LILRB2: variants seen among roughly 807,000 people sequenced by gnomAD.
LILRB2 encodes leukocyte immunoglobulin-like receptor subfamily B member 2.
LILRB2 carries 47 observed loss-of-function variants against 72.7 expected under a neutral mutation model. That is an observed-to-expected ratio of 0.65 (90% CI 0.51 to 0.82). The LOEUF (loss-of-function observed/expected upper bound fraction) is 0.82. LILRB2 is among the 40% of genes least tolerant of loss of function. The pLI is 0.00. For synonymous variants in LILRB2, 279 were observed against 313.7 expected (o/e 0.89, Z 1.17); for missense variants, 767 against 764.8 (o/e 1.00, Z -0.03).
intron 9 of LILRB2, chr19:54,277,295 A>G: frequency 2.1e-6 from 3 of 1,405,258 alleles, no homozygotes; most frequent in Non-Finnish European, 2.9e-6. Context: ...GTGGGACGGG[A>G]CAGGCCCCCG....
At chr19:54,275,797 A>T in intron 13 of LILRB2, 154 bp downstream of exon 13, 1 of 1,010,604 alleles carries the variant, frequency 9.9e-7, no homozygotes, top group Non-Finnish European at 1.6e-6. Context: ...AGCAGGAGAG[A>T]GTGAGGTCAC....
Position 54,274,664 on chromosome 19 carries a change from A to G in LILRB2, c.*19T>C, listed in dbSNP as rs368123805. 143 of 1,613,854 alleles carry G rather than the reference A, an allele frequency of 8.9e-5. No homozygotes were observed. The highest frequency in any genetic ancestry group is 4.9e-4 in the Middle Eastern group (3 of 6,062). On this transcript the variant is annotated 3_prime_UTR_variant, in exon 14 of 14. Transcript: ENST00000314446. ...CTGAGTCTCCTTCTACTGAGTGTGG[A>G]GTCTGCGTACCCTCCGGGCTAGTGG...
intron 13 of LILRB2, 194 bp downstream of exon 13, chr19:54,275,757 C>G: frequency 1.3e-6 from 1 of 775,462 alleles, no homozygotes; most frequent in Admixed American, 1.9e-5. Flanking sequence ...AGGAAGGGGA[C>G]CCGGGAGGAG....
In LILRB2 at chr19:54,275,040, C is replaced by G. The variant is rs567480155; in HGVS notation, c.1648-211G>C. On this transcript the variant is annotated intron_variant, in intron 13 of 13. Transcript: ENST00000314446. Reference sequence around the variant, plus strand: ...GTTTCACCGGGGCATATGTCACTGCCTGGGGGTCTTCATCATGTGGGCTCT... The same window carrying G: ...GTTTCACCGGGGCATATGTCACTGCGTGGGGGTCTTCATCATGTGGGCTCT... 2.2e-4 allele frequency: 350 copies of G among 1,608,120 alleles called. 6 individuals are homozygous for G. In the South Asian group the frequency reaches 3.0e-3, roughly 14 times the overall value.
rs765905961 is a variant in LILRB2 at position 54,280,491 on chromosome 19, G to A, written c.6C>T (p.Thr2=). The A allele has an allele frequency of 2.5e-6, 4 of 1,613,738 alleles. No individual in the cohort carries two copies. The Admixed American group carries it at 5.0e-5, about 20-fold the overall frequency. Reference sequence around the variant, plus strand: ...GACAGATCAGGACTGTGACGATGGGGGTCATGGCGTCTCCTCCCACTGCCC... The same window carrying A: ...GACAGATCAGGACTGTGACGATGGGAGTCATGGCGTCTCCTCCCACTGCCC... M[T]PIVTVLICLG... Residue 2 remains threonine (T), a synonymous_variant, in exon 2 of 14, where the codon ACC becomes ACT. Transcript: ENST00000314446.
In LILRB2 at chr19:54,279,074, C is replaced by T. The variant is rs141840014; in HGVS notation, c.693G>A (p.Pro231=). 5.8e-4 allele frequency: 940 copies of T among 1,613,882 alleles called. No individual in the cohort carries two copies. The highest frequency in any genetic ancestry group is 7.3e-4 in the Non-Finnish European group (861 of 1,179,884). ...VSKKPSLSVQ[P]GPVMAPGESL... ...TTTCCCCAGGGGCCATGACAGGACCCGGCTGCACTGAGAGTGATGGCTTCT... is the reference window on the plus strand; with the variant it reads ...TTTCCCCAGGGGCCATGACAGGACCTGGCTGCACTGAGAGTGATGGCTTCT... The change falls in exon 6 of 14, where the codon CCG becomes CCA. Residue 231 remains proline, a synonymous_variant. Transcript: ENST00000314446.
intron 7 of LILRB2, 152 bp from the exon 8 acceptor site, chr19:54,278,091 T>C: frequency 8.8e-7 from 1 of 1,132,604 alleles, no homozygotes; most frequent in Non-Finnish European, 1.2e-6. Context: ...CCGCTGAGTG[T>C]GCGCAGGCCT....
intron 7 of LILRB2, 106 bp from the exon 8 acceptor site, chr19:54,278,045 CT>C: frequency 9.0e-7 from 1 of 1,105,838 alleles, no homozygotes; most frequent in Non-Finnish European, 1.3e-6. Context: ...AGGCCCCTCC[CT>C]CCACCCGCCT....
At position 54,278,875 on chromosome 19, in the gene LILRB2, C is replaced by T. The variant is rs142624499; in HGVS notation, c.892G>A (p.Gly298Ser). The T allele has an allele frequency of 2.6e-4, 421 of 1,613,800 alleles. 4 individuals carry two copies. The highest frequency in any genetic ancestry group is 6.5e-4 in the Admixed American group (39 of 60,010). ...RSYGGQYRCY[G>S]AHNLSSECSA... ...CACTCAGAGGAGAGGTTGTGTGCAC[C>T]GTAGCATCTGTACTGGCCCCCGTAG... Residue 298 changes from glycine (G) to serine (S), a missense_variant, in exon 6 of 14, where the codon GGT (glycine) becomes AGT (serine). Gly to Ser is a moderately conservative substitution (Grantham distance 56). Around this residue, in one of 3 missense-constraint regions of LILRB2, gnomAD observed 599 missense variants for 568.2 expected, o/e 1.05. Transcript: ENST00000314446.
At position 54,275,825 on chromosome 19, in the gene LILRB2, G is replaced by A. The variant is rs542571897; in HGVS notation, c.1647+126C>T. On this transcript the variant is annotated intron_variant, in intron 13 of 13. Coordinates refer to ENST00000314446, the MANE Select transcript of LILRB2 (RefSeq NM_001080978.4). ...GAGGTCACAGCAGGCGGGAGGCAGC[G>A]TGCTGGACAAGGAGGGGTCCACCGT... 4,886 of 1,266,504 alleles carry A rather than the reference G, an allele frequency of 3.9e-3. 15 individuals are homozygous for A. Among genetic ancestry groups the A allele is most frequent in the African/African-American group, 5.2e-3 (350 of 67,502 alleles). 78.5% of individuals were successfully genotyped at this position (1,266,504 alleles called of 1,614,324 possible).
Position 54,279,805 on chromosome 19 carries a change from A to C in LILRB2, c.341T>G (p.Val114Gly), listed in dbSNP as rs758695722. 1.5e-5 allele frequency: 25 copies of C among 1,613,858 alleles called. No homozygotes were observed. The highest frequency in any genetic ancestry group is 2.0e-5 in the Non-Finnish European group (24 of 1,179,942). ...TGTCCTCTCACCTGTCATCACCAGC[A>C]CCAGGGGGTCACTGAGCTCAGACCA... is the stretch of plus-strand genomic sequence containing the variant. ...ARWSELSDPLVLVMTGAYPKP... is the reference protein window; with the variant it reads ...ARWSELSDPLGLVMTGAYPKP... The change falls in exon 4 of 14, where the codon GTG (valine) becomes GGG (glycine). Residue 114 changes from valine to glycine, a missense_variant. Physicochemically the swap from Val to Gly is moderately radical, Grantham distance 109. This residue lies in a region of LILRB2 where 599 missense variants were observed against 568.2 expected (regional missense o/e 1.05). Coordinates refer to ENST00000314446, the MANE Select transcript of LILRB2 (RefSeq NM_001080978.4).
At position 54,280,564 on chromosome 19, in the gene LILRB2, CAG is replaced by C. The variant is rs1466225255; in HGVS notation, c.-48-22_-48-21del. On this transcript the variant is annotated intron_variant, in intron 1 of 13. Transcript: ENST00000314446. The stretch of plus-strand genomic sequence containing the variant: ...TCGGTGCTGGCGGGACAGAGACACA[CAG>C]AGAGAAATAGCCTCCCCTCCTTCCC... The C allele has an allele frequency of 5.6e-6, 9 of 1,613,138 alleles. No homozygotes were observed. The highest frequency in any genetic ancestry group is 1.1e-5 in the South Asian group (1 of 91,046).
intron 12 of LILRB2, 57 bp downstream of exon 12, chr19:54,276,207 C>T (rs147028826): frequency 1.8e-4 from 284 of 1,610,732 alleles, no homozygotes; most frequent in Non-Finnish European, 2.2e-4. Context: ...CCCATTGCTA[C>T]GGAAACTTCG....
At chr19:54,276,078 T>A (rs1239713408) in intron 12 of LILRB2, 75 bp from the exon 13 acceptor site, 8 of 1,584,816 alleles carry the variant, frequency 5.0e-6, no homozygotes, top group African/African-American at 2.7e-5. Context: ...GCCCCTGCCC[T>A]GCTCCCAGAT....
Position 54,280,535 on chromosome 19 carries a change from G to A in LILRB2, c.-39C>T. ...ACTGCCCTGCTCTGCGGATGGATGA[G>A]CCCTCGGTGCTGGCGGGACAGAGAC... On this transcript the variant is annotated 5_prime_UTR_variant, in exon 2 of 14. Transcript: ENST00000314446. 1 of 1,613,964 alleles carries A rather than the reference G, an allele frequency of 6.2e-7. No homozygotes were observed. The highest frequency in any genetic ancestry group is 8.5e-7 in the Non-Finnish European group (1 of 1,179,952).
In LILRB2 at chr19:54,279,274, C is replaced by T. The variant is rs140956050; in HGVS notation, c.658+71G>A. 5.4e-3 allele frequency: 8,336 copies of T among 1,556,798 alleles called. 267 individuals are homozygous for T. The South Asian group carries it at 0.071, about 13-fold the overall frequency. On this transcript the variant is annotated intron_variant, in intron 5 of 13. Coordinates refer to ENST00000314446, the MANE Select transcript of LILRB2 (RefSeq NM_001080978.4). Reference sequence around the variant, plus strand: ...TCCCACCTGGAACTGCCCTGAGACACGGCTGCTCCCCACCTGCCTGGAGAC... The same window carrying T: ...TCCCACCTGGAACTGCCCTGAGACATGGCTGCTCCCCACCTGCCTGGAGAC...
intron 7 of LILRB2, 114 bp from the exon 8 acceptor site, chr19:54,278,053 G>A (rs970648102): frequency 4.7e-5 from 52 of 1,100,798 alleles, no homozygotes; most frequent in African/African-American, 9.5e-5. Flanking sequence ...CCCTCCACCC[G>A]CCTCTCCTGT....
chr19:54,276,242 G>C, intron 12 of LILRB2, 22 bp downstream of exon 12: 2 of 1,613,700 alleles, frequency 1.2e-6, no homozygotes, highest in Non-Finnish European at 8.5e-7. Flanking sequence ...CTCCTGGCTG[G>C]TCACCTCTTC....
rs757222116 is a variant in LILRB2, at chr19:54,279,574, C to A, written c.429G>T (p.Gln143His). ...VVTSGGRVTL[Q>H]CESQVAFGGF... The stretch of plus-strand genomic sequence containing the variant: ...CGCCAAATGCCACCTGTGACTCACA[C>A]TGGAGGGTCACCCTTCCTCCTGAGG... The change falls in exon 5 of 14, where the codon CAG (glutamine) becomes CAT (histidine). Residue 143 changes from glutamine to histidine, a missense_variant. Gln to His is a conservative substitution (Grantham distance 24, BLOSUM62 0). Coordinates refer to ENST00000314446, the MANE Select transcript of LILRB2 (RefSeq NM_001080978.4). 5.6e-6 allele frequency: 9 copies of A among 1,613,872 alleles called. No individual in the cohort carries two copies. The Admixed American group carries it at 1.3e-4, about 24-fold the overall frequency.
Sources: allele counts gnomAD v4.1 joint callset, GRCh38; gene constraint gnomAD v4.1.1; regional missense constraint gnomAD v4.1.1; transcripts MANE v1.5; gene names NCBI Gene and HGNC (gene_info 2026-07-23, HGNC 2026-07-21).